The following GRAMD1B variants were observed in gnomAD, a reference collection of about 807,000 sequenced individuals.
GRAMD1B encodes protein Aster-B.
In GRAMD1B, 37 loss-of-function variants were observed where a neutral mutation model predicts 99.7. The observed-to-expected ratio is 0.37, with a 90% CI of 0.29 to 0.49. The LOEUF is 0.49. Among genes scored for constraint, GRAMD1B ranks in the 20% least tolerant of loss-of-function variants. The pLI, the probability that GRAMD1B is intolerant of heterozygous loss-of-function variation, is 0.98. For missense variants in GRAMD1B, 888 were observed against 1,009.2 expected (o/e 0.88, Z 1.63); for synonymous variants, 427 against 387.6 (o/e 1.10, Z -1.19).
intron 1 of GRAMD1B, among the ~76,000 whole-genome samples, chr11:123,411,496 G>A (rs956077832): frequency 1.4e-4 from 22 of 152,166 alleles, no homozygotes; most frequent in African/African-American, 4.3e-4. Flanking sequence ...TGTCAGCTCT[G>A]GAACAAATCT....
intron 2 of GRAMD1B, among the ~76,000 whole-genome samples, chr11:123,506,711 T>C (rs548340884): frequency 6.6e-6 from 1 of 152,294 alleles, no homozygotes; most frequent in East Asian, 1.9e-4. Flanking sequence ...AGGTAGGGAT[T>C]CAATGGGTTT....
intron 2 of GRAMD1B, among the ~76,000 whole-genome samples, chr11:123,565,798 A>T (rs1947301802): frequency 6.6e-6 from 1 of 152,220 alleles, no homozygotes; most frequent in South Asian, 2.1e-4. Context: ...GCCAACACCC[A>T]GCCTGTGAAC....
chr11:123,526,077 T>A, intron 2 of GRAMD1B: 1 of 1,317,336 alleles, frequency 7.6e-7, no homozygotes, highest in Non-Finnish European at 1.1e-6. Flanking sequence ...TCTTTTCCAA[T>A]ATGTCCTGGG....
At chr11:123,383,793 T>C (rs1375214691) in intron 1 of GRAMD1B, among the ~76,000 whole-genome samples, 1 of 150,936 alleles carries the variant, frequency 6.6e-6, no homozygotes, top group Non-Finnish European at 1.5e-5. Context: ...TTCATGAATA[T>C]ATATATATAT....
intron 17 of GRAMD1B, chr11:123,618,269 G>A: frequency 8.1e-7 from 1 of 1,230,640 alleles, no homozygotes; most frequent in Non-Finnish European, 1.2e-6. Flanking sequence ...GATTTTCAGT[G>A]CAGGTTTCCC....
intron 1 of GRAMD1B, among the ~76,000 whole-genome samples, chr11:123,461,139 G>A (rs112309634): frequency 0.041 from 6,308 of 152,292 alleles, 167 homozygotes; most frequent in Middle Eastern, 0.072. Flanking sequence ...ATTGAGTTTG[G>A]TCTTCAATCA....
chr11:123,520,882 A>G (rs770031772), intron 2 of GRAMD1B, among the ~76,000 whole-genome samples: 27 of 152,042 alleles, frequency 1.8e-4, no homozygotes, highest in Non-Finnish European at 3.5e-4. Context: ...TTGCAGGAGT[A>G]CCTCTCACCT....
At chr11:123,470,407 A>T (rs1244474145) in intron 1 of GRAMD1B, among the ~76,000 whole-genome samples, 1 of 152,136 alleles carries the variant, frequency 6.6e-6, no homozygotes, top group Admixed American at 6.5e-5. Flanking sequence ...CTGGACTTAA[A>T]CACCAAGGCT....
intron 2 of GRAMD1B, among the ~76,000 whole-genome samples, chr11:123,552,278 T>C (rs979314389): frequency 1.6e-4 from 24 of 149,964 alleles, no homozygotes; most frequent in East Asian, 1.4e-3. Context: ...TCTTTCTTTT[T>C]TTTTTTTTTT....
chr11:123,516,496 A>G (rs956956633), intron 2 of GRAMD1B, among the ~76,000 whole-genome samples: 2 of 152,182 alleles, frequency 1.3e-5, no homozygotes, highest in African/African-American at 4.8e-5. Context: ...CGAAGGCACT[A>G]TTTCTGGACA....
chr11:123,591,327 T>G lies in GRAMD1B; in HGVS notation c.685-2755T>G. 1 of 398,302 alleles carries G rather than the reference T, an allele frequency of 2.5e-6. No individual in the cohort carries two copies. The highest frequency in any genetic ancestry group is 4.4e-6 in the Non-Finnish European group (1 of 225,994). The allele number at this position is 398,302 out of a possible 1,614,324, so 24.7% of individuals were successfully genotyped here. Reference sequence around the variant, plus strand: ...CAGGGGAGACCAGTTGTTTTCATCGTGTGGGGACAGTCGGGAGTCAGTGCT... The same window carrying G: ...CAGGGGAGACCAGTTGTTTTCATCGGGTGGGGACAGTCGGGAGTCAGTGCT... On this transcript the variant is annotated intron_variant, in intron 4 of 19. Transcript: ENST00000635736. This position sits in a 1 kb window ranked among gnomAD's most constrained non-coding sequence, Gnocchi z 4.7.
chr11:123,469,779 CCTT>C (rs1950912788), intron 1 of GRAMD1B, among the ~76,000 whole-genome samples: 1 of 50,960 alleles, frequency 2.0e-5, no homozygotes, highest in African/African-American at 6.0e-5. Context: ...CTCTTTCTTT[CCTT>C]CCTTCCTTCC....
intron 2 of GRAMD1B, among the ~76,000 whole-genome samples, chr11:123,513,000 C>T (rs182623785): frequency 1.3e-5 from 2 of 152,228 alleles, no homozygotes; most frequent in Admixed American, 1.3e-4. Flanking sequence ...AGGTACAAAG[C>T]CCAGGTACAA....
intron 2 of GRAMD1B, among the ~76,000 whole-genome samples, chr11:123,525,044 G>C (rs1942568414): frequency 5.9e-5 from 9 of 152,162 alleles, no homozygotes; most frequent in Admixed American, 5.9e-4. Context: ...TGCCTTACTG[G>C]GTGCTGTGGC....
intron 19 of GRAMD1B, among the ~76,000 whole-genome samples, chr11:123,619,939 A>G (rs1220934345): frequency 1.3e-5 from 2 of 152,182 alleles, no homozygotes; most frequent in Non-Finnish European, 2.9e-5. Context: ...CTGCTACATG[A>G]CAACTTCTCT....
In GRAMD1B at chr11:123,589,880, G is replaced by A. The variant is rs558810974; in HGVS notation, c.685-4202G>A. On this transcript the variant is annotated intron_variant, in intron 4 of 19. Coordinates refer to ENST00000635736, the MANE Select transcript of GRAMD1B (RefSeq NM_001387025.1). Reference sequence around the variant, plus strand: ...AAAAGCACCATTCCTAATCCTATGCGGGCCAAGACCCTCCTGGCAAGGTGG... The same window carrying A: ...AAAAGCACCATTCCTAATCCTATGCAGGCCAAGACCCTCCTGGCAAGGTGG... Among the ~76,000 whole-genome samples the A allele has an allele frequency of 2.5e-3, 373 of 152,116 alleles. 1 individual carries two copies. Among genetic ancestry groups the A allele is most frequent in the Admixed American group, 4.8e-3 (74 of 15,276 alleles).
intron 1 of GRAMD1B, among the ~76,000 whole-genome samples, chr11:123,473,188 C>T (rs572440913): frequency 2.8e-4 from 42 of 152,104 alleles, no homozygotes; most frequent in African/African-American, 3.9e-4. Flanking sequence ...CTCAGCCTCC[C>T]GAGTAGCTGG....
chr11:123,481,252 C>T (rs1372568115), intron 2 of GRAMD1B, among the ~76,000 whole-genome samples: 4 of 151,998 alleles, frequency 2.6e-5, no homozygotes, highest in African/African-American at 4.8e-5. Flanking sequence ...ATCTGGAGTT[C>T]GAGACTAGCC....
At chr11:123,389,801 A>G (rs1947207571) in intron 1 of GRAMD1B, among the ~76,000 whole-genome samples, 1 of 152,120 alleles carries the variant, frequency 6.6e-6, no homozygotes. Context: ...GCTGGAGTGC[A>G]GTGGTACAAT....
Sources: allele counts gnomAD v4.1 joint callset (sites outside exome capture counted in the v4.1 genomes callset), GRCh38; gene constraint gnomAD v4.1.1; non-coding constraint Gnocchi (gnomAD v3.1); transcripts MANE v1.5; gene names NCBI Gene and HGNC (gene_info 2026-07-23, HGNC 2026-07-21).